Variants in CNTN4 observed in about 807,000 individuals in gnomAD.
CNTN4 encodes the protein contactin-4.
In CNTN4, 77 loss-of-function variants were observed where a neutral mutation model predicts 122.5. The ratio of observed to expected loss-of-function variants is 0.63; its 90% CI spans 0.52 to 0.76. The LOEUF (loss-of-function observed/expected upper bound fraction) is 0.76, where lower values mean the gene tolerates loss of function less well. Among genes scored for constraint, CNTN4 ranks in the 30% least tolerant of loss-of-function variants. The pLI is 0.00. For missense variants in CNTN4, 1,256 were observed against 1,259.1 expected (o/e 1.00, Z 0.04); for synonymous variants, 512 against 447.0 (o/e 1.15, Z -1.83).
intron 4 of CNTN4, among the ~76,000 whole-genome samples, chr3:2,712,943 C>T (rs1443684478): frequency 2.0e-5 from 3 of 152,188 alleles, no homozygotes; most frequent in Non-Finnish European, 4.4e-5. Context: ...ACGCCCCTTC[C>T]CCAATACCTC....
At chr3:2,262,245 ATTTCTCC>A (rs1476621081) in intron 2 of CNTN4, 2 of 152,140 alleles carry the variant, frequency 1.3e-5, no homozygotes, top group African/African-American at 4.8e-5. Context: ...TTTCCAGATA[ATTTCTCC>A]TTTCTTTCCA....
At chr3:2,451,217 T>C (rs2048818227) in intron 3 of CNTN4, among the ~76,000 whole-genome samples, 1 of 152,190 alleles carries the variant, frequency 6.6e-6, no homozygotes, top group South Asian at 2.1e-4. Flanking sequence ...GATATGGTTA[T>C]AGTCTGAATT....
intron 2 of CNTN4, among the ~76,000 whole-genome samples, chr3:2,266,101 G>C (rs1608380): frequency 0.89 from 135,181 of 152,102 alleles, 61,036 homozygotes; most frequent in East Asian, 1. Context: ...CAGTACTATG[G>C]TGAATGGAAG....
chr3:2,525,648 A>T (rs1162524459), intron 3 of CNTN4, among the ~76,000 whole-genome samples: 7 of 152,170 alleles, frequency 4.6e-5, no homozygotes, highest in Non-Finnish European at 5.9e-5. Context: ...TTTCATTTGA[A>T]CTTAACAGAT....
intron 4 of CNTN4, among the ~76,000 whole-genome samples, chr3:2,641,997 G>A (rs1169261858): frequency 6.6e-6 from 1 of 152,164 alleles, no homozygotes; most frequent in Non-Finnish European, 1.5e-5. Flanking sequence ...GGGTTCTCTA[G>A]AGGGACAGAA....
intron 3 of CNTN4, among the ~76,000 whole-genome samples, chr3:2,398,919 C>T (rs559301759): frequency 3.3e-5 from 5 of 152,158 alleles, no homozygotes; most frequent in South Asian, 4.1e-4. Context: ...GAGGCTCAGG[C>T]GTTTCCATAT....
chr3:2,168,157 T>G (rs1261006658), intron 2 of CNTN4, among the ~76,000 whole-genome samples: 1 of 152,180 alleles, frequency 6.6e-6, no homozygotes, highest in Non-Finnish European at 1.5e-5. Context: ...AAAGTTATAC[T>G]CTACAAATGT....
chr3:2,278,470 C>T lies in CNTN4; in HGVS notation c.-144-60708C>T, dbSNP rs570253965. Among the ~76,000 whole-genome samples, 3 of 152,212 alleles carry T rather than the reference C, an allele frequency of 2.0e-5. No homozygotes were observed. In the East Asian group the frequency reaches 5.8e-4, roughly 29 times the overall value. ...TGGTCTCTTTCTGCCAAGGTCAGCT[C>T]CTCTTGTGTTACAACAGAGAAACGA... On this transcript the variant is annotated intron_variant, in intron 2 of 24. Transcript: ENST00000418658.
intron 13 of CNTN4, among the ~76,000 whole-genome samples, chr3:2,934,679 A>C (rs1317220974): frequency 6.6e-6 from 1 of 152,260 alleles, no homozygotes; most frequent in Non-Finnish European, 1.5e-5. Context: ...GATATCTCTT[A>C]CAGTTGCTGC....
At chr3:2,851,288 A>G (rs2093546248) in intron 7 of CNTN4, among the ~76,000 whole-genome samples, 1 of 152,212 alleles carries the variant, frequency 6.6e-6, no homozygotes, top group Non-Finnish European at 1.5e-5. Context: ...TTAAGAGCAC[A>G]GAAGTGAAAC....
At chr3:2,737,958 G>T (rs2089235587) in intron 5 of CNTN4, among the ~76,000 whole-genome samples, 1 of 152,134 alleles carries the variant, frequency 6.6e-6, no homozygotes, top group African/African-American at 2.4e-5. Flanking sequence ...TGCAAGATAG[G>T]TCTGAAGAAA....
chr3:2,949,843 T>A (rs1278642175), intron 13 of CNTN4, among the ~76,000 whole-genome samples: 1 of 152,218 alleles, frequency 6.6e-6, no homozygotes, highest in Non-Finnish European at 1.5e-5. Flanking sequence ...CTAACTGATA[T>A]AGGCAAACAG....
At chr3:2,497,946 T>C (rs2076496605) in intron 3 of CNTN4, among the ~76,000 whole-genome samples, 1 of 152,164 alleles carries the variant, frequency 6.6e-6, no homozygotes, top group Non-Finnish European at 1.5e-5. Flanking sequence ...TCACTTCTAC[T>C]CTTTTTCTCT....
chr3:2,224,525 A>G (rs575096091), intron 2 of CNTN4, among the ~76,000 whole-genome samples: 47 of 152,274 alleles, frequency 3.1e-4, no homozygotes, highest in South Asian at 4.1e-4. Context: ...ACTGTGTACC[A>G]TTACTGCACA....
At chr3:3,052,093 C>T (rs991676696) in intron 23 of CNTN4, among the ~76,000 whole-genome samples, 2 of 152,174 alleles carry the variant, frequency 1.3e-5, no homozygotes, top group Non-Finnish European at 2.9e-5. Context: ...GAGAACTACG[C>T]GTCTAATTCA....
intron 2 of CNTN4, among the ~76,000 whole-genome samples, chr3:2,182,408 T>C (rs540095792): frequency 2.8e-4 from 42 of 152,238 alleles, no homozygotes; most frequent in African/African-American, 8.2e-4. Context: ...TAATAAAGTC[T>C]AGAGATCTAA....
chr3:2,168,814 G>A (rs1197733018), intron 2 of CNTN4, among the ~76,000 whole-genome samples: 2 of 152,128 alleles, frequency 1.3e-5, no homozygotes, highest in Non-Finnish European at 2.9e-5. Context: ...ATACTTGCAA[G>A]CAGATTTGGT....
At chr3:2,776,730 A>G (rs1237509425) in intron 6 of CNTN4, among the ~76,000 whole-genome samples, 1 of 152,140 alleles carries the variant, frequency 6.6e-6, no homozygotes. Flanking sequence ...GATTACCTAT[A>G]GGTTCCTCTT....
intron 2 of CNTN4, among the ~76,000 whole-genome samples, chr3:2,241,628 G>C (rs1268314343): frequency 6.6e-6 from 1 of 152,154 alleles, no homozygotes; most frequent in African/African-American, 2.4e-5. Context: ...ACTACCGTCA[G>C]CTTGTCTTTC....
Sources: gnomAD v4.1 joint callset for allele counts (sites outside exome capture counted in the v4.1 genomes callset) on GRCh38, gnomAD v4.1.1 for gene constraint, MANE v1.5 for transcripts, NCBI Gene and HGNC (gene_info 2026-07-23, HGNC 2026-07-21) for gene names.